GRIK1: variants seen among roughly 807,000 people sequenced by gnomAD.
The protein encoded by GRIK1 is glutamate ionotropic receptor kainate type subunit 1.
Under a neutral mutation model 105.7 loss-of-function variants are expected in GRIK1, and 69 were observed. The ratio of observed to expected loss-of-function variants is 0.65; its 90% CI spans 0.54 to 0.80. GRIK1 has a LOEUF of 0.80. GRIK1 is among the 30% of genes least tolerant of loss of function. The pLI, the probability that GRIK1 is intolerant of heterozygous loss-of-function variation, is 0.00. For synonymous variants in GRIK1, 438 were observed against 431.3 expected (o/e 1.02, Z -0.19); for missense variants, 1,109 against 1,167.3 (o/e 0.95, Z 0.73).
At chr21:29,717,768 T>C (rs2064214421) in intron 1 of GRIK1, among the ~76,000 whole-genome samples, 1 of 152,160 alleles carries the variant, frequency 6.6e-6, no homozygotes, top group African/African-American at 2.4e-5. Context: ...AGCTAAGACT[T>C]TGGGGGACTG....
chr21:29,716,590 C>A (rs2064183412), intron 1 of GRIK1, among the ~76,000 whole-genome samples: 1 of 152,128 alleles, frequency 6.6e-6, no homozygotes, highest in Non-Finnish European at 1.5e-5. Context: ...GTGATCCTTG[C>A]TATACTCTAG....
At chr21:29,713,366 T>A (rs573286937) in intron 1 of GRIK1, among the ~76,000 whole-genome samples, 22 of 152,296 alleles carry the variant, frequency 1.4e-4, no homozygotes, top group Admixed American at 3.9e-4. Flanking sequence ...TAGTTGTAAT[T>A]GATATTTTAT....
chr21:29,606,467 C>T (rs568151955), intron 7 of GRIK1, among the ~76,000 whole-genome samples: 6 of 152,088 alleles, frequency 3.9e-5, no homozygotes, highest in Admixed American at 6.6e-5. Flanking sequence ...CGTGCCTCTC[C>T]GTCTTTTTAC....
At chr21:29,703,709 T>C (rs1016184633) in intron 1 of GRIK1, among the ~76,000 whole-genome samples, 3 of 152,230 alleles carry the variant, frequency 2.0e-5, no homozygotes, top group Non-Finnish European at 4.4e-5. Flanking sequence ...ACAGAAGAGA[T>C]TGGATTTTTA....
chr21:29,834,927 C>T (rs896660252), intron 1 of GRIK1, among the ~76,000 whole-genome samples: 2 of 150,436 alleles, frequency 1.3e-5, no homozygotes, highest in African/African-American at 4.9e-5. Flanking sequence ...CATTATTATT[C>T]TCACTCTTGT....
intron 1 of GRIK1, among the ~76,000 whole-genome samples, chr21:29,819,766 A>G (rs1189059836): frequency 6.6e-6 from 1 of 152,052 alleles, no homozygotes; most frequent in Non-Finnish European, 1.5e-5. Flanking sequence ...TACGAGAAGA[A>G]TTCAGATTTT....
At chr21:29,616,678 G>A (rs2061858028) in intron 7 of GRIK1, among the ~76,000 whole-genome samples, 1 of 152,114 alleles carries the variant, frequency 6.6e-6, no homozygotes, top group African/African-American at 2.4e-5. Flanking sequence ...AATAAATCCC[G>A]TGGCATTTCA....
Position 29,693,964 on chromosome 21 carries a change from G to C in GRIK1, c.218C>G (p.Pro73Arg). The change falls in exon 2 of 18, where the codon CCT (proline) becomes CGT (arginine). Residue 73 changes from proline to arginine, a missense_variant. By Grantham distance (103) the Pro-to-Arg change is moderately radical. Coordinates refer to ENST00000327783, the MANE Select transcript of GRIK1 (RefSeq NM_001330994.2). ...TSINRNRTLM[P>R]NTTLTYDIQR... The stretch of plus-strand genomic sequence containing the variant: ...GATGTCATAGGTTAATGTGGTGTTA[G>C]GCATCAGGGTTCGGTTTCTGTTAAT... The C allele has an allele frequency of 6.2e-7, 1 of 1,612,368 alleles. No homozygotes were observed. The highest frequency in any genetic ancestry group is 8.5e-7 in the Non-Finnish European group (1 of 1,178,450).
intron 7 of GRIK1, among the ~76,000 whole-genome samples, chr21:29,623,960 T>G (rs758216706): frequency 1.4e-4 from 21 of 152,236 alleles, no homozygotes; most frequent in Non-Finnish European, 2.6e-4. Context: ...ATAATTGCCA[T>G]CTTTGGCTGA....
intron 5 of GRIK1, among the ~76,000 whole-genome samples, chr21:29,654,380 C>T (rs534717494): frequency 6.6e-6 from 1 of 152,310 alleles, no homozygotes; most frequent in African/African-American, 2.4e-5. Context: ...TTTCAGACAT[C>T]TGACAGGTAA....
intron 1 of GRIK1, among the ~76,000 whole-genome samples, chr21:29,792,122 TAATA>T (rs1014804068): frequency 7.2e-5 from 11 of 152,162 alleles, no homozygotes; most frequent in Non-Finnish European, 1.6e-4. Context: ...TAGTATATAT[TAATA>T]AATAGTATAT....
chr21:29,677,400 T>C (rs1337469427), intron 3 of GRIK1, among the ~76,000 whole-genome samples: 1 of 152,240 alleles, frequency 6.6e-6, no homozygotes, highest in Non-Finnish European at 1.5e-5. Flanking sequence ...GGCTGTTTTT[T>C]TTCACATGAA....
chr21:29,844,992 G>A (rs2068076498), intron 1 of GRIK1, among the ~76,000 whole-genome samples: 1 of 152,112 alleles, frequency 6.6e-6, no homozygotes, highest in Non-Finnish European at 1.5e-5. Context: ...TGTTTGATAT[G>A]AGATGTGCAG....
chr21:29,866,118 A>C (rs1409664885), intron 1 of GRIK1, among the ~76,000 whole-genome samples: 5 of 152,078 alleles, frequency 3.3e-5, no homozygotes, highest in Non-Finnish European at 7.4e-5. Flanking sequence ...CCAAGCTGAA[A>C]TTCAGTGGCA....
intron 7 of GRIK1, among the ~76,000 whole-genome samples, chr21:29,622,446 T>C (rs1258242784): frequency 1.3e-5 from 2 of 152,192 alleles, no homozygotes; most frequent in African/African-American, 4.8e-5. Context: ...GTAGTCACTA[T>C]TGGTGTCCTG....
chr21:29,724,833 T>C (rs1443539170), intron 1 of GRIK1, among the ~76,000 whole-genome samples: 1 of 152,156 alleles, frequency 6.6e-6, no homozygotes, highest in African/African-American at 2.4e-5. Flanking sequence ...ATGTAATCTT[T>C]TCTTAGCGTA....
chr21:29,925,201 A>G (rs2071323187), intron 1 of GRIK1, among the ~76,000 whole-genome samples: 1 of 152,320 alleles, frequency 6.6e-6, no homozygotes, highest in South Asian at 2.1e-4. Context: ...TCCCCTTATC[A>G]GGATCACAGG....
intron 4 of GRIK1, among the ~76,000 whole-genome samples, chr21:29,665,115 G>A (rs899774929): frequency 2.6e-5 from 4 of 152,056 alleles, no homozygotes; most frequent in East Asian, 1.9e-4. Context: ...GGTTTTTCTC[G>A]CTTCCCAATT....
chr21:29,733,782 A>G (rs1485911970), intron 1 of GRIK1, among the ~76,000 whole-genome samples: 2 of 152,162 alleles, frequency 1.3e-5, no homozygotes, highest in Non-Finnish European at 2.9e-5. Flanking sequence ...AAATATTCCC[A>G]TGATTGCCAG....
Sources: allele counts gnomAD v4.1 joint callset (sites outside exome capture counted in the v4.1 genomes callset), GRCh38; gene constraint gnomAD v4.1.1; transcripts MANE v1.5; gene names NCBI Gene and HGNC (gene_info 2026-07-23, HGNC 2026-07-21).